The following SGCZ variants were observed in gnomAD, a reference collection of about 807,000 sequenced individuals.
The protein encoded by SGCZ is zeta-sarcoglycan.
A neutral mutation model predicts 41.3 loss-of-function variants in SGCZ; 40 were observed. The observed-to-expected ratio is 0.97, with a 90% CI of 0.75 to 1.26. The LOEUF (loss-of-function observed/expected upper bound fraction) is 1.26, where lower values mean the gene tolerates loss of function less well. SGCZ is among the 50% of genes most tolerant of loss of function. The pLI, the probability that SGCZ is intolerant of heterozygous loss-of-function variation, is 0.00. For synonymous variants in SGCZ, 206 were observed against 137.5 expected (o/e 1.50, Z -3.49); for missense variants, 552 against 369.8 (o/e 1.49, Z -4.04).
chr8:14,452,220 A>G (rs1800614978), intron 2 of SGCZ, among the ~76,000 whole-genome samples: 1 of 152,212 alleles, frequency 6.6e-6, no homozygotes. Context: ...CAAAGATTAC[A>G]TACTATATGA....
intron 1 of SGCZ, among the ~76,000 whole-genome samples, chr8:14,900,650 G>A (rs1798943119): frequency 6.6e-6 from 1 of 152,006 alleles, no homozygotes; most frequent in African/African-American, 2.4e-5. Context: ...CTGAATACCA[G>A]GTTTAATTTC....
intron 1 of SGCZ, among the ~76,000 whole-genome samples, chr8:14,865,098 T>TA (rs1325471724): frequency 7.9e-5 from 12 of 152,118 alleles, no homozygotes; most frequent in African/African-American, 2.9e-4. Context: ...TATATAATTA[T>TA]AAAAAATGTG....
In SGCZ at chr8:15,237,721, C is replaced by T. The variant is rs1036566232; in HGVS notation, c.-98G>A. Reference sequence around the variant, plus strand: ...AGCTTAAACTCAGCTTTATCCTCCTCCAAGCCCCGGCAGCTCCTCTCAGTC... The same window carrying T: ...AGCTTAAACTCAGCTTTATCCTCCTTCAAGCCCCGGCAGCTCCTCTCAGTC... On this transcript the variant is annotated 5_prime_UTR_variant, in exon 1 of 8. An upstream open reading frame in the 5' UTR gains an earlier in-frame stop. Transcript: ENST00000382080. The T allele has an allele frequency of 1.5e-6, 2 of 1,341,182 alleles. No homozygotes were observed. Among genetic ancestry groups the T allele is most frequent in the African/African-American group, 1.5e-5 (1 of 68,896 alleles). The allele number at this position is 1,341,182 out of a possible 1,614,324, so 83.1% of individuals were successfully genotyped here. A position where few individuals can be genotyped will look rare whatever the true frequency, so the allele number is the denominator to read the frequency against.
intron 2 of SGCZ, among the ~76,000 whole-genome samples, chr8:14,343,239 T>A (rs1277599476): frequency 1.3e-5 from 2 of 152,218 alleles, no homozygotes; most frequent in Non-Finnish European, 2.9e-5. Context: ...AAGGGAAATG[T>A]GGGGTCAGAG....
chr8:14,658,612 C>A (rs1807650402), intron 1 of SGCZ, among the ~76,000 whole-genome samples: 1 of 152,172 alleles, frequency 6.6e-6, no homozygotes, highest in South Asian at 2.1e-4. Context: ...TCTCTTGAGT[C>A]CTGCTCTCTG....
intron 2 of SGCZ, among the ~76,000 whole-genome samples, chr8:14,535,478 T>C (rs921028182): frequency 1.3e-5 from 2 of 151,946 alleles, no homozygotes; most frequent in Non-Finnish European, 2.9e-5. Context: ...TGACAATCTT[T>C]ATTATTTCCT....
intron 6 of SGCZ, among the ~76,000 whole-genome samples, chr8:14,106,103 T>C (rs1236435114): frequency 1.3e-5 from 2 of 152,216 alleles, no homozygotes; most frequent in Non-Finnish European, 2.9e-5. Flanking sequence ...GTTAATGTCC[T>C]CATTTTTCAG....
At chr8:14,510,080 T>TC (rs1164820210) in intron 2 of SGCZ, among the ~76,000 whole-genome samples, 5 of 151,986 alleles carry the variant, frequency 3.3e-5, no homozygotes, top group Admixed American at 2.6e-4. Flanking sequence ...GTAAAATAAT[T>TC]CCCAATGCAA....
intron 1 of SGCZ, among the ~76,000 whole-genome samples, chr8:15,185,184 G>C (rs1296790514): frequency 6.6e-6 from 1 of 152,154 alleles, no homozygotes; most frequent in African/African-American, 2.4e-5. Context: ...AAAGATCAAA[G>C]TTAGGAGGAA....
chr8:14,977,043 T>C (rs968916018), intron 1 of SGCZ, among the ~76,000 whole-genome samples: 1 of 152,230 alleles, frequency 6.6e-6, no homozygotes, highest in African/African-American at 2.4e-5. Flanking sequence ...CAAACACCAA[T>C]GTCTTTGCCC....
At chr8:14,122,146 A>G (rs1802716094) in intron 5 of SGCZ, among the ~76,000 whole-genome samples, 1 of 152,140 alleles carries the variant, frequency 6.6e-6, no homozygotes, top group Non-Finnish European at 1.5e-5. Flanking sequence ...GCATGGCGGC[A>G]GGCGCCTGTA....
chr8:15,171,547 C>T (rs929471260), intron 1 of SGCZ, among the ~76,000 whole-genome samples: 1 of 152,176 alleles, frequency 6.6e-6, no homozygotes, highest in Non-Finnish European at 1.5e-5. Context: ...CTCTTTTTAG[C>T]TGGAGATCCA....
At chr8:14,512,302 A>T (rs1802489046) in intron 2 of SGCZ, among the ~76,000 whole-genome samples, 1 of 152,160 alleles carries the variant, frequency 6.6e-6, no homozygotes, top group South Asian at 2.1e-4. Context: ...TTTATACCTT[A>T]AGAAGATCAC....
chr8:14,440,014 C>A (rs1467543186), intron 2 of SGCZ, among the ~76,000 whole-genome samples: 1 of 151,874 alleles, frequency 6.6e-6, no homozygotes, highest in Admixed American at 6.6e-5. Context: ...AAAAAATTAG[C>A]CTCATAAATT....
chr8:15,223,133 G>A (rs182512724), intron 1 of SGCZ, among the ~76,000 whole-genome samples: 40 of 152,210 alleles, frequency 2.6e-4, no homozygotes, highest in African/African-American at 7.2e-4. Context: ...CCTAAGAACC[G>A]AATAGTCTCT....
At chr8:14,876,453 A>G (rs1261475234) in intron 1 of SGCZ, among the ~76,000 whole-genome samples, 1 of 152,168 alleles carries the variant, frequency 6.6e-6, no homozygotes, top group Non-Finnish European at 1.5e-5. Flanking sequence ...GAGGAACAAC[A>G]GCTAACTAAA....
chr8:15,117,988 A>T (rs1807334702), intron 1 of SGCZ, among the ~76,000 whole-genome samples: 1 of 152,246 alleles, frequency 6.6e-6, no homozygotes, highest in African/African-American at 2.4e-5. Context: ...TAGCTAAAAC[A>T]GAATGAGTAA....
chr8:14,844,465 G>A (rs912509810), intron 1 of SGCZ, among the ~76,000 whole-genome samples: 5 of 152,078 alleles, frequency 3.3e-5, no homozygotes, highest in African/African-American at 9.7e-5. Flanking sequence ...CGTGACTTCG[G>A]GAAATAGCTT....
chr8:14,913,710 G>T (rs1585373705), intron 1 of SGCZ, among the ~76,000 whole-genome samples: 2 of 152,092 alleles, frequency 1.3e-5, no homozygotes, highest in Admixed American at 6.6e-5. Context: ...TTTAATAAAT[G>T]ATAAGATTGT....
Sources: allele counts gnomAD v4.1 joint callset (sites outside exome capture counted in the v4.1 genomes callset), GRCh38; gene constraint gnomAD v4.1.1; transcripts MANE v1.5; gene names NCBI Gene and HGNC (gene_info 2026-07-23, HGNC 2026-07-21).